DNAH11: variants seen among roughly 807,000 people sequenced by gnomAD.
DNAH11 encodes the protein dynein axonemal heavy chain 11.
DNAH11 carries 442 observed loss-of-function variants against 526.0 expected under a neutral mutation model. That is an observed-to-expected ratio of 0.84 (90% CI 0.78 to 0.91). DNAH11 has a LOEUF of 0.91. Among genes scored for constraint, DNAH11 ranks in the 40% least tolerant of loss-of-function variants. The probability of loss-of-function intolerance (pLI) is 0.00; values close to 1 mark genes in which losing one functional copy is unlikely to be tolerated. For synonymous variants in DNAH11, 2,461 were observed against 1,935.9 expected, an observed-to-expected ratio of 1.27 and a Z score of -7.12; for missense variants, 6,989 against 5,448.7, an observed-to-expected ratio of 1.28 and a Z score of -8.90.
At chr7:21,705,941 G>T (rs1303282107) in intron 39 of DNAH11, among the ~76,000 whole-genome samples, 2 of 152,192 alleles carry the variant, frequency 1.3e-5, no homozygotes, top group Non-Finnish European at 2.9e-5. Flanking sequence ...CTGGCTGGAA[G>T]ATTGGATTGG....
At chr7:21,860,826 G>A (rs1783034496) in intron 68 of DNAH11, among the ~76,000 whole-genome samples, 1 of 152,120 alleles carries the variant, frequency 6.6e-6, no homozygotes, top group South Asian at 2.1e-4. Context: ...GGCTGGGGAG[G>A]CCTCACAATC....
rs1234249824 is a variant in DNAH11 at position 21,800,211 on chromosome 7, GT to G, written c.10027-920del. On this transcript the variant is annotated intron_variant, in intron 61 of 81. Coordinates refer to ENST00000409508, the MANE Select transcript of DNAH11 (RefSeq NM_001277115.2). ...TCTTTCTCCACAATGGTTTTCTCTG[GT>G]TTTTTCTGTGCCCCAGTGGAAGGTG... Among the ~76,000 whole-genome samples, 3 of 152,234 alleles carry G rather than the reference GT, an allele frequency of 2.0e-5. No homozygotes were observed. The East Asian group carries it at 5.8e-4, about 29-fold the overall frequency.
At chr7:21,724,599 T>C (rs1350306508) in intron 44 of DNAH11, among the ~76,000 whole-genome samples, 1 of 147,546 alleles carries the variant, frequency 6.8e-6, no homozygotes, top group South Asian at 2.2e-4. Context: ...CCAGGTCTCC[T>C]GTGGATATAA....
chr7:21,735,759 A>C lies in DNAH11; in HGVS notation c.7560A>C (p.Val2520=), dbSNP rs765582248. The change falls in exon 46 of 82, where the codon GTA becomes GTC. Residue 2520 remains valine (V), a synonymous_variant. Coordinates refer to ENST00000409508, the MANE Select transcript of DNAH11 (RefSeq NM_001277115.2). ...CAGGAGTGGGAAAAACAGTCTTTGT[A>C]GGTGACACATTGGCAAGTCTCTCTG... is the stretch of plus-strand genomic sequence containing the variant. ...GNAGVGKTVF[V]GDTLASLSED... 6.3e-5 allele frequency: 101 copies of C among 1,613,900 alleles called. No individual in the cohort carries two copies. The highest frequency in any genetic ancestry group is 8.1e-5 in the Non-Finnish European group (95 of 1,179,904).
intron 62 of DNAH11, among the ~76,000 whole-genome samples, chr7:21,803,778 G>C (rs1385719348): frequency 2.0e-5 from 3 of 151,004 alleles, no homozygotes; most frequent in Admixed American, 1.3e-4. Flanking sequence ...GAAAAGTGGG[G>C]AATGGGGCTG....
At chr7:21,654,137 C>A (rs1432434462) in intron 28 of DNAH11, among the ~76,000 whole-genome samples, 5 of 152,088 alleles carry the variant, frequency 3.3e-5, no homozygotes, top group Non-Finnish European at 5.9e-5. Flanking sequence ...GTGTGCAATT[C>A]AATAGCATTT....
intron 81 of DNAH11, 90 bp downstream of exon 81, chr7:21,900,210 C>G: frequency 1.5e-6 from 2 of 1,350,064 alleles, no homozygotes; most frequent in South Asian, 1.7e-5. Context: ...TCAGCATCTC[C>G]TCACTCACAC....
intron 66 of DNAH11, 52 bp from the exon 67 acceptor site, chr7:21,852,404 CTAAAAAAAAAA>C: frequency 1.3e-6 from 1 of 742,218 alleles, no homozygotes; most frequent in Non-Finnish European, 2.0e-6. Flanking sequence ...AAGACTTCCT[CTAAAAAAAAAA>C]AAAAAAAAGT....
intron 61 of DNAH11, among the ~76,000 whole-genome samples, chr7:21,798,337 C>T (rs1788810281): frequency 6.6e-6 from 1 of 152,194 alleles, no homozygotes; most frequent in Non-Finnish European, 1.5e-5. Context: ...CTCAGGTGAT[C>T]CACCTGCCTC....
At chr7:21,668,374 G>A (rs770099893) in intron 30 of DNAH11, among the ~76,000 whole-genome samples, 1 of 152,064 alleles carries the variant, frequency 6.6e-6, no homozygotes, top group Non-Finnish European at 1.5e-5. Flanking sequence ...CAGACATGCT[G>A]TCTTATAAAA....
intron 70 of DNAH11, among the ~76,000 whole-genome samples, chr7:21,865,390 C>G (rs971270288): frequency 1.4e-4 from 21 of 152,162 alleles, no homozygotes; most frequent in African/African-American, 5.1e-4. Flanking sequence ...AAATGTGTAT[C>G]AGTCAGGGTC....
At position 21,736,117 on chromosome 7, in the gene DNAH11, A is replaced by G. The variant is rs527417531; in HGVS notation, c.7645+273A>G. Among the ~76,000 whole-genome samples the G allele has an allele frequency of 2.6e-5, 4 of 152,342 alleles. No homozygotes were observed. In the East Asian group the frequency reaches 7.7e-4, roughly 29 times the overall value. On this transcript the variant is annotated intron_variant, in intron 46 of 81. Transcript: ENST00000409508. ...AGTGTTAATGTGTTACCTCGAAACC[A>G]CTGGTTGCTTTTAATTGCATGGAGT...
intron 25 of DNAH11, among the ~76,000 whole-genome samples, chr7:21,626,228 C>A (rs1200285900): frequency 6.6e-6 from 1 of 152,166 alleles, no homozygotes; most frequent in Non-Finnish European, 1.5e-5. Flanking sequence ...TCTTTCTATG[C>A]TTGCCTTATT....
chr7:21,750,626 T>C (rs1424415563), intron 54 of DNAH11, among the ~76,000 whole-genome samples: 2 of 152,204 alleles, frequency 1.3e-5, no homozygotes, highest in Non-Finnish European at 2.9e-5. Context: ...TACACTATTG[T>C]AGAACACAGG....
chr7:21,708,762 A>C (rs1449747826), intron 40 of DNAH11, among the ~76,000 whole-genome samples: 1 of 152,148 alleles, frequency 6.6e-6, no homozygotes, highest in Non-Finnish European at 1.5e-5. Flanking sequence ...TGCCGTCGGC[A>C]ACACTCTTCT....
chr7:21,571,181 A>G (rs1459423453), intron 7 of DNAH11, among the ~76,000 whole-genome samples: 2 of 152,146 alleles, frequency 1.3e-5, no homozygotes, highest in African/African-American at 4.8e-5. Context: ...AGTTTTGGAT[A>G]TTACCTGGGG....
At chr7:21,554,022 C>T (rs1222370171) in intron 2 of DNAH11, among the ~76,000 whole-genome samples, 1 of 152,086 alleles carries the variant, frequency 6.6e-6, no homozygotes, top group African/African-American at 2.4e-5. Context: ...TAGTCTCTGA[C>T]CCTGTGCAGG....
At chr7:21,773,685 A>T in intron 55 of DNAH11, 81 bp from the exon 56 acceptor site, 1 of 1,038,784 alleles carries the variant, frequency 9.6e-7, no homozygotes, top group East Asian at 2.8e-5. Context: ...TAGAAAAAAA[A>T]TGATCATTTA....
At chr7:21,572,580 C>T (rs972521661) in intron 8 of DNAH11, among the ~76,000 whole-genome samples, 1 of 152,178 alleles carries the variant, frequency 6.6e-6, no homozygotes, top group Non-Finnish European at 1.5e-5. Context: ...TAGTAGTTTG[C>T]CAAGAACAGC....
Sources: gnomAD v4.1 joint callset for allele counts (sites outside exome capture counted in the v4.1 genomes callset) on GRCh38, gnomAD v4.1.1 for gene constraint, MANE v1.5 for transcripts, NCBI Gene and HGNC (gene_info 2026-07-23, HGNC 2026-07-21) for gene names.